Variants in ARID1B observed in about 807,000 individuals in gnomAD.
ARID1B encodes the protein AT-rich interaction domain 1B, also known as AT-rich interactive domain-containing protein 1B.
In ARID1B, 30 loss-of-function variants were observed where a neutral mutation model predicts 212.3. That is an observed-to-expected ratio of 0.14 (90% CI 0.11 to 0.19). ARID1B has a LOEUF of 0.19. Among genes scored for constraint, ARID1B ranks in the 10% least tolerant of loss-of-function variants. The pLI is 1.00. For synonymous variants in ARID1B, 1,402 were observed against 1,301.7 expected (o/e 1.08, Z -1.66); for missense variants, 2,891 against 3,204.0 (o/e 0.90, Z 2.36).
Position 157,097,469 on chromosome 6 carries a change from A to G in ARID1B, c.2491+12564A>G, listed in dbSNP as rs1785720623. On this transcript the variant is annotated intron_variant, in intron 5 of 19. Coordinates refer to ENST00000636930, the MANE Select transcript of ARID1B (RefSeq NM_001374828.1). ...GGAAAACACGGTCCCTCGTACCTAC[A>G]GGGCACAGCAAGCGCTCACGTGCTA... Among the ~76,000 whole-genome samples the G allele has an allele frequency of 2.6e-5, 4 of 152,196 alleles. 1 individual carries two copies. The South Asian group carries it at 8.3e-4, about 32-fold the overall frequency.
chr6:156,879,810 G>A (rs1562455087), intron 2 of ARID1B, among the ~76,000 whole-genome samples: 2 of 152,200 alleles, frequency 1.3e-5, no homozygotes, highest in Non-Finnish European at 2.9e-5. Flanking sequence ...ATATGTGTGT[G>A]TGTAAGCTTA....
intron 6 of ARID1B, among the ~76,000 whole-genome samples, chr6:157,121,142 A>G (rs1241292019): frequency 6.6e-6 from 1 of 152,208 alleles, no homozygotes; most frequent in East Asian, 1.9e-4. Context: ...TTATTTCCCC[A>G]AATTTCCTAG....
intron 4 of ARID1B, among the ~76,000 whole-genome samples, chr6:156,964,446 C>T (rs545550272): frequency 1.3e-5 from 2 of 152,272 alleles, no homozygotes; most frequent in South Asian, 2.1e-4. Flanking sequence ...AAAAAAGTCC[C>T]GTCATCCCTC....
In ARID1B at chr6:156,875,091, T is replaced by C. The variant is rs976066912; in HGVS notation, c.1987-26285T>C. 7.2e-5 allele frequency among the ~76,000 whole-genome samples: 11 copies of C among 152,212 alleles called. No homozygotes were observed. In the East Asian group the frequency reaches 1.9e-3, roughly 27 times the overall value. On this transcript the variant is annotated intron_variant, in intron 2 of 19. Transcript: ENST00000636930. ...GAAAGACCATCTCTAAATGGCCTAT[T>C]TGAGTATATAGATTAAGAGTAGTGT...
chr6:157,162,001 G>A (rs1173909301), intron 8 of ARID1B, among the ~76,000 whole-genome samples: 2 of 152,188 alleles, frequency 1.3e-5, no homozygotes, highest in Non-Finnish European at 1.5e-5. Context: ...CTTCCCCCGT[G>A]TCTGCCACTG....
chr6:157,110,430 A>G (rs75599866), intron 5 of ARID1B, 42 bp from the exon 6 acceptor site: 18,249 of 1,582,892 alleles, frequency 0.012, 131 homozygotes, highest in Non-Finnish European at 0.014. Context: ...TTATTAATGC[A>G]AAGGGTTCCC....
intron 8 of ARID1B, among the ~76,000 whole-genome samples, chr6:157,161,874 T>C (rs1790967436): frequency 6.6e-6 from 1 of 152,206 alleles, no homozygotes; most frequent in Admixed American, 6.5e-5. Context: ...TGACAGTCCG[T>C]ATAGAGAAAG....
At chr6:157,194,276 TAGAA>T (rs1325692513) in intron 15 of ARID1B, 1 of 152,246 alleles carries the variant, frequency 6.6e-6, no homozygotes, top group African/African-American at 2.4e-5. Flanking sequence ...ATCTACAAAA[TAGAA>T]AGTAACTTCA....
Position 157,200,473 on chromosome 6 carries a change from A to G in ARID1B, c.4480-232A>G, listed in dbSNP as rs1425108199. 6.6e-6 allele frequency among the ~76,000 whole-genome samples: 1 copy of G among 151,596 alleles called. No homozygotes were observed. Among genetic ancestry groups the G allele is most frequent in the African/African-American group, 2.4e-5 (1 of 41,264 alleles). On this transcript the variant is annotated intron_variant, in intron 17 of 19. Coordinates refer to ENST00000636930, the MANE Select transcript of ARID1B (RefSeq NM_001374828.1). This position sits in a 1 kb window ranked among gnomAD's most constrained non-coding sequence, Gnocchi z 4.3. ...GAGGAGGCTTTTTTTTTTCCACAGG[A>G]AGTTTCAAACACGTGAAAACAAACT... is the stretch of plus-strand genomic sequence containing the variant.
intron 4 of ARID1B, among the ~76,000 whole-genome samples, chr6:157,043,500 A>G (rs1384086368): frequency 2.0e-5 from 3 of 152,008 alleles, no homozygotes; most frequent in Non-Finnish European, 4.4e-5. Context: ...ATTACGTGGC[A>G]TTTTCCCCCA....
chr6:157,131,118 A>C (rs1562643556), intron 6 of ARID1B, among the ~76,000 whole-genome samples: 1 of 152,130 alleles, frequency 6.6e-6, no homozygotes, highest in African/African-American at 2.4e-5. Context: ...TCATCTACCC[A>C]CCAAGCACCT....
chr6:156,794,814 C>G (rs1375388772), intron 1 of ARID1B, among the ~76,000 whole-genome samples: 1 of 152,046 alleles, frequency 6.6e-6, no homozygotes, highest in African/African-American at 2.4e-5. Flanking sequence ...TTCCTGAGCT[C>G]AAGTGATCCA....
rs895992545 is a variant in ARID1B at position 157,203,651 on chromosome 6, A to G, written c.5264-215A>G. On this transcript the variant is annotated intron_variant, in intron 18 of 19. Coordinates refer to ENST00000636930, the MANE Select transcript of ARID1B (RefSeq NM_001374828.1). The surrounding 1 kb of genome is among the most constrained non-coding windows in gnomAD (Gnocchi z 4.4). ...AGCACTTTCGGCCCCTGCGTGACCA[A>G]CAAAGCGAGATCTGAAACCACAAAA... The G allele has an allele frequency of 8.2e-6, 5 of 608,404 alleles. No homozygotes were observed. In the African/African-American group the frequency reaches 9.1e-5, roughly 11 times the overall value. The allele number at this position is 608,404 out of a possible 1,614,324, so 37.7% of individuals were successfully genotyped here.
chr6:156,899,966 G>A (rs922249524), intron 2 of ARID1B, among the ~76,000 whole-genome samples: 12 of 152,208 alleles, frequency 7.9e-5, no homozygotes, highest in African/African-American at 2.4e-4. Flanking sequence ...GGTGTTGAAC[G>A]GAAGGATGTG....
intron 2 of ARID1B, among the ~76,000 whole-genome samples, chr6:156,876,938 A>T (rs922152823): frequency 6.6e-6 from 1 of 152,136 alleles, no homozygotes; most frequent in African/African-American, 2.4e-5. Context: ...CTTTGTTGCC[A>T]GGCTGGAGTG....
rs188064411 is a variant in ARID1B at position 156,876,496 on chromosome 6, G to T, written c.1987-24880G>T. On this transcript the variant is annotated intron_variant, in intron 2 of 19. Transcript: ENST00000636930. ...GCATGTCCACCTGGGGGCGCCTCCA[G>T]CATCCCAGTTCCGAGTATACTCATG... Among the ~76,000 whole-genome samples the T allele has an allele frequency of 3.9e-5, 6 of 152,312 alleles. No homozygotes were observed. The East Asian group carries it at 1.2e-3, about 29-fold the overall frequency.
intron 2 of ARID1B, among the ~76,000 whole-genome samples, chr6:156,887,999 C>G (rs1787651216): frequency 6.6e-6 from 1 of 152,180 alleles, no homozygotes; most frequent in South Asian, 2.1e-4. Flanking sequence ...ATCCTATTTT[C>G]TGTACCCTGT....
At chr6:156,951,821 T>C (rs1386998689) in intron 4 of ARID1B, among the ~76,000 whole-genome samples, 1 of 152,238 alleles carries the variant, frequency 6.6e-6, no homozygotes, top group African/African-American at 2.4e-5. Context: ...AAGGAATATA[T>C]ACTCTTTTGA....
At chr6:157,187,108 A>G (rs1435032042) in intron 13 of ARID1B, among the ~76,000 whole-genome samples, 1 of 152,170 alleles carries the variant, frequency 6.6e-6, no homozygotes, top group Non-Finnish European at 1.5e-5. Context: ...TTGTGTCTTT[A>G]AGGTGCCAGT....
Sources: gnomAD v4.1 joint callset for allele counts (sites outside exome capture counted in the v4.1 genomes callset) on GRCh38, gnomAD v4.1.1 for gene constraint, Gnocchi (gnomAD v3.1) non-coding constraint, MANE v1.5 for transcripts, NCBI Gene and HGNC (gene_info 2026-07-23, HGNC 2026-07-21) for gene names.